Variants in BCAS3 observed in about 807,000 individuals in gnomAD.
BCAS3 encodes BCAS3 microtubule associated cell migration factor.
A neutral mutation model predicts 116.1 loss-of-function variants in BCAS3; 53 were observed. That is an observed-to-expected ratio of 0.46 (90% CI 0.37 to 0.57). The LOEUF (loss-of-function observed/expected upper bound fraction) is 0.57. Ranked by LOEUF, BCAS3 falls within the 20% of genes least tolerant of loss-of-function variation. BCAS3 has a pLI of 0.00. For synonymous variants in BCAS3, 391 were observed against 408.2 expected (o/e 0.96, Z 0.51); for missense variants, 917 against 1,165.4 (o/e 0.79, Z 3.10).
chr17:60,735,431 TTTATTTTATTTA>T (rs2040860877), intron 5 of BCAS3, among the ~76,000 whole-genome samples: 1 of 151,904 alleles, frequency 6.6e-6, no homozygotes, highest in Non-Finnish European at 1.5e-5. Flanking sequence ...AGTATGATTT[TTTATTTTATTTA>T]TTATTTTATT....
In BCAS3 at chr17:61,316,091, G is replaced by A. The variant is rs533646841; in HGVS notation, c.2426-52236G>A. Among the ~76,000 whole-genome samples the A allele has an allele frequency of 6.6e-6, 1 of 152,224 alleles. No individual in the cohort carries two copies. Among genetic ancestry groups the A allele is most frequent in the South Asian group, 2.1e-4 (1 of 4,820 alleles). ...AAGTCGAGGCAGGTGGATCACCTGA[G>A]GTCAGGAGTTCGAAACCAGCCTGGC... On this transcript the variant is annotated intron_variant, in intron 22 of 23. Transcript: ENST00000407086. The surrounding 1 kb of genome is among the most constrained non-coding windows in gnomAD (Gnocchi z 5.8).
intron 19 of BCAS3, among the ~76,000 whole-genome samples, chr17:61,071,905 T>G (rs2071465788): frequency 6.6e-6 from 1 of 152,202 alleles, no homozygotes; most frequent in African/African-American, 2.4e-5. Flanking sequence ...TGTTTTGATG[T>G]TTGTGCTTTT....
intron 14 of BCAS3, among the ~76,000 whole-genome samples, chr17:60,983,266 C>T (rs2062922272): frequency 6.6e-6 from 1 of 152,036 alleles, no homozygotes. Context: ...AAATAACATT[C>T]CATAATTGAG....
rs2054120100 is a variant in BCAS3, at chr17:61,309,409, T to C, written c.2426-58918T>C. On this transcript the variant is annotated intron_variant, in intron 22 of 23. Transcript: ENST00000407086. This position sits in a 1 kb window ranked among gnomAD's most constrained non-coding sequence, Gnocchi z 4.6. ...CTGAACACTACCGTGTCACTCCCCA[T>C]GTTGCCATTCTGTAGAAGAGGAAGC... is the stretch of plus-strand genomic sequence containing the variant. Among the ~76,000 whole-genome samples the C allele has an allele frequency of 6.6e-6, 1 of 151,996 alleles. No homozygotes were observed. The highest frequency in any genetic ancestry group is 2.1e-4 in the South Asian group (1 of 4,802).
intron 22 of BCAS3, among the ~76,000 whole-genome samples, chr17:61,345,130 A>C (rs903318569): frequency 6.6e-6 from 1 of 152,176 alleles, no homozygotes; most frequent in Non-Finnish European, 1.5e-5. Flanking sequence ...AGAAGTGACA[A>C]GGGCAAAATC....
intron 6 of BCAS3, among the ~76,000 whole-genome samples, chr17:60,777,032 AC>A (rs1363423673): frequency 2.6e-5 from 4 of 151,414 alleles, no homozygotes; most frequent in Non-Finnish European, 4.4e-5. Flanking sequence ...AAAAAAAAAA[AC>A]AAATGAAGTA....
At chr17:60,750,597 A>G (rs2042379966) in intron 6 of BCAS3, among the ~76,000 whole-genome samples, 1 of 152,234 alleles carries the variant, frequency 6.6e-6, no homozygotes, top group Non-Finnish European at 1.5e-5. Flanking sequence ...GTTAGAATTA[A>G]TCAGTGAATT....
At chr17:60,707,396 G>A (rs1019163505) in intron 4 of BCAS3, among the ~76,000 whole-genome samples, 10 of 152,154 alleles carry the variant, frequency 6.6e-5, no homozygotes, top group Non-Finnish European at 1.0e-4. Flanking sequence ...CCAAAGTGCC[G>A]GGATTACTCA....
intron 22 of BCAS3, among the ~76,000 whole-genome samples, chr17:61,329,855 C>A (rs2056115610): frequency 6.6e-6 from 1 of 152,162 alleles, no homozygotes; most frequent in African/African-American, 2.4e-5. Context: ...CAAGACGCCG[C>A]TTACCTGCTC....
Position 61,315,105 on chromosome 17 carries a change from A to G in BCAS3, c.2426-53222A>G, listed in dbSNP as rs1030226350. ...CTCCACACGCCACACTGCTCAGCCT[A>G]CACTCCCTTTTCTTTTTCTTTTTTT... On this transcript the variant is annotated intron_variant, in intron 22 of 23. Coordinates refer to ENST00000407086, the MANE Select transcript of BCAS3 (RefSeq NM_017679.5). The surrounding 1 kb of genome is among the most constrained non-coding windows in gnomAD (Gnocchi z 5.3). Among the ~76,000 whole-genome samples, 6 of 151,966 alleles carry G rather than the reference A, an allele frequency of 3.9e-5. No homozygotes were observed. Among genetic ancestry groups the G allele is most frequent in the South Asian group, 2.1e-4 (1 of 4,810 alleles).
At chr17:60,763,526 T>G (rs1411542405) in intron 6 of BCAS3, among the ~76,000 whole-genome samples, 1 of 152,178 alleles carries the variant, frequency 6.6e-6, no homozygotes, top group Admixed American at 6.5e-5. Flanking sequence ...TGAACCAGCC[T>G]TGCATCCCAG....
intron 13 of BCAS3, among the ~76,000 whole-genome samples, chr17:60,941,269 T>C (rs900604835): frequency 2.0e-5 from 3 of 152,232 alleles, no homozygotes; most frequent in African/African-American, 7.2e-5. Flanking sequence ...ATGCTTTTTG[T>C]GGCTTGGCAC....
At chr17:61,247,935 G>A (rs953365613) in intron 22 of BCAS3, among the ~76,000 whole-genome samples, 1 of 152,182 alleles carries the variant, frequency 6.6e-6, no homozygotes, top group African/African-American at 2.4e-5. Flanking sequence ...AAGAGCAGCC[G>A]CACTTGTGGT....
chr17:60,724,442 A>G (rs949972676), intron 5 of BCAS3, among the ~76,000 whole-genome samples: 5 of 148,400 alleles, frequency 3.4e-5, no homozygotes, highest in African/African-American at 9.9e-5. Context: ...AAAAAAAAAA[A>G]GGCCGGATGC....
At chr17:61,099,163 G>C (rs1163657880) in intron 22 of BCAS3, among the ~76,000 whole-genome samples, 1 of 151,906 alleles carries the variant, frequency 6.6e-6, no homozygotes, top group African/African-American at 2.4e-5. Flanking sequence ...ATTATTATTG[G>C]ATTACCTTAT....
rs2058499117 is a variant in BCAS3, at chr17:61,362,425, A to T, written c.2426-5902A>T. On this transcript the variant is annotated intron_variant, in intron 22 of 23. Transcript: ENST00000407086. The surrounding 1 kb of genome is among the most constrained non-coding windows in gnomAD (Gnocchi z 4.4). ...AAAATCCAAACCTGGGCAGAACCTC[A>T]TTAACGCAAAGCGGAGGCTGTGCCA... 6.6e-6 allele frequency among the ~76,000 whole-genome samples: 1 copy of T among 152,238 alleles called. No homozygotes were observed. The highest frequency in any genetic ancestry group is 1.5e-5 in the Non-Finnish European group (1 of 68,040).
chr17:60,731,921 G>A (rs1286710131), intron 5 of BCAS3, among the ~76,000 whole-genome samples: 1 of 151,402 alleles, frequency 6.6e-6, no homozygotes, highest in South Asian at 2.1e-4. Context: ...TGGGATTATA[G>A]GTGCTTGCTA....
intron 19 of BCAS3, among the ~76,000 whole-genome samples, chr17:61,052,469 A>G (rs1444281964): frequency 6.6e-6 from 1 of 152,152 alleles, no homozygotes; most frequent in Non-Finnish European, 1.5e-5. Flanking sequence ...GACGTGTTAG[A>G]AGGCAGCAGA....
intron 19 of BCAS3, among the ~76,000 whole-genome samples, chr17:61,057,674 C>CT (rs540006121): frequency 0.19 from 27,177 of 146,272 alleles, 2,599 homozygotes; most frequent in African/African-American, 0.24. Flanking sequence ...TGTCTTGTTA[C>CT]TTTTTTTTTT....
Sources: gnomAD v4.1 joint callset for allele counts (sites outside exome capture counted in the v4.1 genomes callset) on GRCh38, gnomAD v4.1.1 for gene constraint, Gnocchi (gnomAD v3.1) non-coding constraint, MANE v1.5 for transcripts, NCBI Gene and HGNC (gene_info 2026-07-23, HGNC 2026-07-21) for gene names.